Variants in UGT1A1 observed in about 807,000 individuals in gnomAD.
UGT1A1 encodes UDP glucuronosyltransferase family 1 member A1.
In UGT1A1, 33 loss-of-function variants were observed where a neutral mutation model predicts 40.6. The ratio of observed to expected loss-of-function variants is 0.81; its 90% CI spans 0.62 to 1.09. The LOEUF is 1.09. Ranked by LOEUF, UGT1A1 falls within the 50% of genes least tolerant of loss-of-function variation. The pLI, the probability that UGT1A1 is intolerant of heterozygous loss-of-function variation, is 0.00. For missense variants in UGT1A1, 694 were observed against 671.2 expected (o/e 1.03, Z -0.38); for synonymous variants, 249 against 265.0 (o/e 0.94, Z 0.59).
Position 233,760,277 on chromosome 2 carries a change from G to T in UGT1A1, c.-11G>T. 6.2e-7 allele frequency: 1 copy of T among 1,612,686 alleles called. No homozygotes were observed. On this transcript the variant is annotated 5_prime_UTR_variant, in exon 1 of 5. Transcript: ENST00000305208. ...AGGAGAGGGCGAACCTCTGGCAGGA[G>T]CAAAGGCGCCATGGCTGTGGAGTCC...
chr2:233,767,955 A>G lies in UGT1A1; in HGVS notation c.1084+19A>G. ...CTGCTTGGTATGTTGGGCGGATTGG[A>G]TGTATAGGTCAAACCAGGGTCAAAT... On this transcript the variant is annotated intron_variant, in intron 3 of 4. Coordinates refer to ENST00000305208, the MANE Select transcript of UGT1A1 (RefSeq NM_000463.3). 1 of 1,614,124 alleles carries G rather than the reference A, an allele frequency of 6.2e-7. No homozygotes were observed. The highest frequency in any genetic ancestry group is 8.5e-7 in the Non-Finnish European group (1 of 1,180,040).
chr2:233,761,183 A>G (rs753887460), intron 1 of UGT1A1, 32 bp downstream of exon 1: 42 of 1,614,074 alleles, frequency 2.6e-5, no homozygotes, highest in Non-Finnish European at 3.5e-5. Context: ...TTACATGCGT[A>G]TATTCTTTCA....
Position 233,772,514 on chromosome 2 carries a change from GA to G in UGT1A1, c.1563del (p.Arg523GlufsTer22). ...CAYGYRKCLG[K>X]KGRVKKAHKS... ...CTTATGGCTACCGGAAATGCTTGGGGAAAAAAGGGCGAGTTAAGAAAGCCCA... is the reference window on the plus strand; with the variant it reads ...CTTATGGCTACCGGAAATGCTTGGGGAAAAAGGGCGAGTTAAGAAAGCCCA... On this transcript the variant is annotated frameshift_variant, in exon 5 of 5. Coordinates refer to ENST00000305208, the MANE Select transcript of UGT1A1 (RefSeq NM_000463.3). LOFTEE classifies it high-confidence loss of function. 6.2e-7 allele frequency: 1 copy of G among 1,614,126 alleles called. No individual in the cohort carries two copies. Among genetic ancestry groups the G allele is most frequent in the Non-Finnish European group, 8.5e-7 (1 of 1,180,014 alleles).
At chr2:233,763,181 G>A (rs1559409754) in intron 1 of UGT1A1, among the ~76,000 whole-genome samples, 1 of 152,170 alleles carries the variant, frequency 6.6e-6, no homozygotes. Flanking sequence ...CTACATATTT[G>A]TTGTTGCCTT....
chr2:233,765,466 T>C (rs1160830121), intron 1 of UGT1A1, among the ~76,000 whole-genome samples: 1 of 152,142 alleles, frequency 6.6e-6, no homozygotes, highest in Non-Finnish European at 1.5e-5. Context: ...AGGACATGGA[T>C]GAAGCTGGAA....
At position 233,760,273 on chromosome 2, in the gene UGT1A1, A is replaced by G. The variant is rs113386420; in HGVS notation, c.-15A>G. On this transcript the variant is annotated 5_prime_UTR_variant, in exon 1 of 5. Transcript: ENST00000305208. ...AAGTAGGAGAGGGCGAACCTCTGGC[A>G]GGAGCAAAGGCGCCATGGCTGTGGA... is the stretch of plus-strand genomic sequence containing the variant. 2.5e-6 allele frequency: 4 copies of G among 1,612,532 alleles called. No individual in the cohort carries two copies. Among genetic ancestry groups the G allele is most frequent in the Admixed American group, 1.7e-5 (1 of 60,018 alleles).
In UGT1A1 at chr2:233,772,586, T is replaced by C. The variant is rs370727977; in HGVS notation, c.*27T>C. The C allele has an allele frequency of 3.7e-6, 6 of 1,604,570 alleles. No individual in the cohort carries two copies. The highest frequency in any genetic ancestry group is 5.1e-6 in the Non-Finnish European group (6 of 1,175,016). On this transcript the variant is annotated 3_prime_UTR_variant, in exon 5 of 5. Coordinates refer to ENST00000305208, the MANE Select transcript of UGT1A1 (RefSeq NM_000463.3). Reference sequence around the variant, plus strand: ...AAGTGGGTGGGAAATAAGGTAAAATTTTGAACCATTCCCTAGTCATTTCCA... The same window carrying C: ...AAGTGGGTGGGAAATAAGGTAAAATCTTGAACCATTCCCTAGTCATTTCCA...
chr2:233,765,570 C>A (rs371639452), intron 1 of UGT1A1, among the ~76,000 whole-genome samples: 1 of 151,792 alleles, frequency 6.6e-6, no homozygotes, highest in Non-Finnish European at 1.5e-5. Flanking sequence ...AATGCGTAGA[C>A]GCAGGGAGGG....
intron 4 of UGT1A1, among the ~76,000 whole-genome samples, 154 bp from the exon 5 acceptor site, chr2:233,772,106 CTG>C (rs1172403577): frequency 6.6e-6 from 1 of 152,016 alleles, no homozygotes; most frequent in African/African-American, 2.4e-5. Context: ...GGGCAAGACT[CTG>C]TATCTAAAAA....
At chr2:233,768,989 C>A (rs947388091) in intron 4 of UGT1A1, among the ~76,000 whole-genome samples, 2 of 152,024 alleles carry the variant, frequency 1.3e-5, no homozygotes, top group African/African-American at 4.8e-5. Context: ...TTATTTCCCC[C>A]ATTAGATTTA....
intron 1 of UGT1A1, among the ~76,000 whole-genome samples, chr2:233,764,316 C>T (rs1044416342): frequency 3.3e-5 from 5 of 152,242 alleles, no homozygotes; most frequent in Admixed American, 6.5e-5. Flanking sequence ...TTAAGGGAAG[C>T]TTTGCCAAGT....
intron 1 of UGT1A1, 119 bp downstream of exon 1, chr2:233,761,270 C>T (rs990068200): frequency 1.9e-6 from 3 of 1,591,968 alleles, no homozygotes; most frequent in Non-Finnish European, 2.6e-6. Context: ...AAAATGCCCT[C>T]TTTTGTTAAT....
Position 233,772,534 on chromosome 2 carries a change from A to T in UGT1A1, c.1577A>T (p.Lys526Ile). 6.2e-7 allele frequency: 1 copy of T among 1,614,216 alleles called. No homozygotes were observed. Among genetic ancestry groups the T allele is most frequent in the South Asian group, 1.1e-5 (1 of 91,086 alleles). The change falls in exon 5 of 5, where the codon AAA becomes ATA. Residue 526 changes from lysine to isoleucine, a missense_variant. Lys to Ile is a moderately radical substitution (Grantham distance 102). Transcript: ENST00000305208. The stretch of plus-strand genomic sequence containing the variant: ...TTGGGGAAAAAAGGGCGAGTTAAGA[A>T]AGCCCACAAATCCAAGACCCATTGA... ...KCLGKKGRVK[K>I]AHKSKTH
Position 233,760,506 on chromosome 2 carries a change from T to A in UGT1A1, c.219T>A (p.Phe73Leu). The change falls in exon 1 of 5, where the codon TTT becomes TTA. Residue 73 changes from phenylalanine (F) to leucine (L), a missense_variant. Phe to Leu is a conservative substitution (Grantham distance 22, BLOSUM62 0). Transcript: ENST00000305208. ...CGTTGTACATCAGAGACGGAGCATT[T>A]TACACCTTGAAGACGTACCCTGTGC... The part of the protein sequence containing the change: ...DASLYIRDGA[F>L]YTLKTYPVPF... 1 of 1,614,180 alleles carries A rather than the reference T, an allele frequency of 6.2e-7. No individual in the cohort carries two copies. Among genetic ancestry groups the A allele is most frequent in the Non-Finnish European group, 8.5e-7 (1 of 1,180,022 alleles).
chr2:233,767,027 G>A lies in UGT1A1; in HGVS notation c.865-7G>A, dbSNP rs753107729. The A allele has an allele frequency of 3.1e-6, 5 of 1,613,804 alleles. No individual in the cohort carries two copies. Among genetic ancestry groups the A allele is most frequent in the Non-Finnish European group, 4.2e-6 (5 of 1,179,992 alleles). On this transcript the variant is annotated splice_region_variant and splice_polypyrimidine_tract_variant and intron_variant, in intron 1 of 4. Coordinates refer to ENST00000305208, the MANE Select transcript of UGT1A1 (RefSeq NM_000463.3). ...AAATTAACTGAAAATTTTTCTTCTG[G>A]CTCTAGGAATTTGAAGCCTACATTA...
rs1699345789 is a variant in UGT1A1 at position 233,767,247 on chromosome 2, C to T, written c.996+82C>T. 3.2e-5 allele frequency: 52 copies of T among 1,603,298 alleles called. No individual in the cohort carries two copies. In the South Asian group the frequency reaches 5.5e-4, roughly 17 times the overall value. ...GACTTCCAGCTTCCAGATTAATTCTCTTAATTGGAACCTTAGATTTGGCTT... is the reference window on the plus strand; with the variant it reads ...GACTTCCAGCTTCCAGATTAATTCTTTTAATTGGAACCTTAGATTTGGCTT... On this transcript the variant is annotated intron_variant, in intron 2 of 4. Coordinates refer to ENST00000305208, the MANE Select transcript of UGT1A1 (RefSeq NM_000463.3).
intron 1 of UGT1A1, 61 bp from the exon 2 acceptor site, chr2:233,766,972 CT>C: frequency 6.2e-7 from 1 of 1,611,258 alleles, no homozygotes; most frequent in Non-Finnish European, 8.5e-7. Context: ...TCATAACTTA[CT>C]GTATGTAGTC....
In UGT1A1 at chr2:233,768,019, T is replaced by C. The variant is rs1002687520; in HGVS notation, c.1084+83T>C. The C allele has an allele frequency of 6.2e-6, 10 of 1,613,626 alleles. No individual in the cohort carries two copies. In the African/African-American group the frequency reaches 1.2e-4, roughly 19 times the overall value. On this transcript the variant is annotated intron_variant, in intron 3 of 4. Coordinates refer to ENST00000305208, the MANE Select transcript of UGT1A1 (RefSeq NM_000463.3). ...TAAGCACAGCTATTCTAAAGGATTG[T>C]TGAGCTTGAAAATATTATGGCCAAC...
chr2:233,772,882 T>C lies in UGT1A1; in HGVS notation c.*323T>C. 1.8e-6 allele frequency: 1 copy of C among 558,640 alleles called. No homozygotes were observed. Among genetic ancestry groups the C allele is most frequent in the Non-Finnish European group, 2.8e-6 (1 of 359,816 alleles). The allele number at this position is 558,640 out of a possible 1,614,324, so 34.6% of individuals were successfully genotyped here. ...CATGGCCTGTTTGGGAGTGCGGGAT[T>C]CAAAGGTGGTCCCACGGCTGCCCCT... On this transcript the variant is annotated 3_prime_UTR_variant, in exon 5 of 5. Transcript: ENST00000305208.
Sources: gnomAD v4.1 joint callset for allele counts (sites outside exome capture counted in the v4.1 genomes callset) on GRCh38, gnomAD v4.1.1 for gene constraint, MANE v1.5 for transcripts, NCBI Gene and HGNC (gene_info 2026-07-23, HGNC 2026-07-21) for gene names.